The following DNAH6 variants were observed in gnomAD, a reference collection of about 807,000 sequenced individuals.
DNAH6 encodes the protein axonemal beta dynein heavy chain 6.
Under a neutral mutation model 491.4 loss-of-function variants are expected in DNAH6, and 340 were observed. The ratio of observed to expected loss-of-function variants is 0.69; its 90% CI spans 0.63 to 0.76. The LOEUF (loss-of-function observed/expected upper bound fraction) is 0.76, where lower values mean the gene tolerates loss of function less well. DNAH6 is among the 30% of genes least tolerant of loss of function. DNAH6 has a pLI of 0.00. For synonymous variants in DNAH6, 1,603 were observed against 1,686.1 expected (o/e 0.95, Z 1.21); for missense variants, 4,443 against 4,972.2 (o/e 0.89, Z 3.20).
chr2:84,570,131 TACAA>T (rs1681627249), intron 11 of DNAH6, among the ~76,000 whole-genome samples: 2 of 152,048 alleles, frequency 1.3e-5, no homozygotes, highest in South Asian at 4.1e-4. Flanking sequence ...GGTAGGATAG[TACAA>T]TATGAGCCTA....
intron 64 of DNAH6, among the ~76,000 whole-genome samples, chr2:84,769,231 TAAAGAC>T (rs1675383641): frequency 6.6e-6 from 1 of 152,140 alleles, no homozygotes; most frequent in Non-Finnish European, 1.5e-5. Context: ...GCAACCAAGA[TAAAGAC>T]AGAGCAGCCA....
chr2:84,514,867 TCACACACA>T (rs58335460), upstream of DNAH6, among the ~76,000 whole-genome samples: 28 of 139,108 alleles, frequency 2.0e-4, no homozygotes, highest in African/African-American at 6.9e-4. Flanking sequence ...TTCACCACAG[TCACACACA>T]CACACACACA....
chr2:84,738,990 T>A (rs1289036790), intron 62 of DNAH6, among the ~76,000 whole-genome samples: 1 of 152,208 alleles, frequency 6.6e-6, no homozygotes, highest in African/African-American at 2.4e-5. Flanking sequence ...TGTTTCCACA[T>A]TGAGAACTCC....
chr2:84,804,859 T>C (rs1446727263), intron 70 of DNAH6, among the ~76,000 whole-genome samples: 3 of 152,322 alleles, frequency 2.0e-5, no homozygotes, highest in Non-Finnish European at 4.4e-5. Context: ...TCTGTTGCCC[T>C]GGCTAGAGTG....
the DNAH6 span, among the ~76,000 whole-genome samples, chr2:84,469,652 C>T: frequency 2.6e-5 from 4 of 152,116 alleles, no homozygotes; most frequent in Non-Finnish European, 2.9e-5. This position sits in a 1 kb window ranked among gnomAD's most constrained non-coding sequence, Gnocchi z 4.0. Flanking sequence ...TACAGTTGGC[C>T]GCTTGTCGGT....
chr2:84,589,509 C>T (rs1241904708), intron 16 of DNAH6, among the ~76,000 whole-genome samples: 5 of 151,960 alleles, frequency 3.3e-5, no homozygotes, highest in Middle Eastern at 3.4e-3. Flanking sequence ...CTCAGGAGTT[C>T]GAGACCAGCC....
At position 84,577,243 on chromosome 2, in the gene DNAH6, AT is replaced by A. The variant is rs766814545; in HGVS notation, c.1925-7del. 1.2e-5 allele frequency: 18 copies of A among 1,529,542 alleles called. No homozygotes were observed. Among genetic ancestry groups the A allele is most frequent in the Admixed American group, 6.3e-5 (3 of 47,822 alleles). 94.7% of individuals were successfully genotyped at this position (1,529,542 alleles called of 1,614,324 possible). A position where few individuals can be genotyped will look rare whatever the true frequency, so the allele number is the denominator to read the frequency against. On this transcript the variant is annotated splice_polypyrimidine_tract_variant and intron_variant, in intron 12 of 76. Coordinates refer to ENST00000389394, the MANE Select transcript of DNAH6 (RefSeq NM_001370.2). ...ATGGTATATTTTATGCTTTATGTGA[AT>A]TTTTTTATGTAGATATTAACTTTTT...
intron 39 of DNAH6, among the ~76,000 whole-genome samples, 184 bp downstream of exon 39, chr2:84,670,659 A>G (rs1573431562): frequency 6.6e-6 from 1 of 152,190 alleles, no homozygotes; most frequent in Admixed American, 6.5e-5. Flanking sequence ...CAAGCAAGTC[A>G]TTTATTTCTG....
intron 16 of DNAH6, among the ~76,000 whole-genome samples, chr2:84,591,235 TAAA>T (rs1684081181): frequency 6.6e-6 from 1 of 152,122 alleles, no homozygotes. Context: ...TTAAAAATAA[TAAA>T]TAAACTCAGT....
At chr2:84,772,271 G>A (rs766431178) in intron 64 of DNAH6, among the ~76,000 whole-genome samples, 13 of 152,110 alleles carry the variant, frequency 8.5e-5, no homozygotes, top group Non-Finnish European at 1.8e-4. Context: ...ACAAAAAGAA[G>A]GCAGTGATTG....
chr2:84,479,364 C>A, the DNAH6 span, among the ~76,000 whole-genome samples: 1 of 152,202 alleles, frequency 6.6e-6, no homozygotes, highest in Non-Finnish European at 1.5e-5. Flanking sequence ...TCATACTGTC[C>A]AGCACTGGAT....
chr2:84,560,529 T>C (rs1680548221), intron 11 of DNAH6, among the ~76,000 whole-genome samples: 1 of 151,762 alleles, frequency 6.6e-6, no homozygotes, highest in Non-Finnish European at 1.5e-5. Context: ...TACATATGTA[T>C]ACATGTGCCA....
intron 70 of DNAH6, among the ~76,000 whole-genome samples, chr2:84,800,815 T>G (rs1008274332): frequency 2.6e-5 from 4 of 152,016 alleles, no homozygotes; most frequent in Non-Finnish European, 5.9e-5. Context: ...AAGAAAGTAT[T>G]ATTCACAATA....
intron 72 of DNAH6, among the ~76,000 whole-genome samples, chr2:84,811,748 C>T (rs777224363): frequency 6.6e-6 from 1 of 151,882 alleles, no homozygotes; most frequent in Non-Finnish European, 1.5e-5. Context: ...GTAATCCCAA[C>T]TACTTGGCAG....
chr2:84,808,355 G>A, intron 71 of DNAH6, 60 bp from the exon 72 acceptor site: 1 of 1,451,128 alleles, frequency 6.9e-7, no homozygotes, highest in South Asian at 1.5e-5. Flanking sequence ...CATTGCCTTA[G>A]CAATATTGTG....
At chr2:84,668,761 T>G (rs1042764942) in intron 37 of DNAH6, among the ~76,000 whole-genome samples, 2 of 151,860 alleles carry the variant, frequency 1.3e-5, no homozygotes, top group African/African-American at 4.8e-5. Flanking sequence ...CCTTCCTGAA[T>G]CTCTAGCCAT....
chr2:84,595,241 C>A (rs1352423288), intron 17 of DNAH6, among the ~76,000 whole-genome samples: 1 of 152,030 alleles, frequency 6.6e-6, no homozygotes, highest in Non-Finnish European at 1.5e-5. Context: ...AATTATAGAT[C>A]TGTAAGTATA....
the DNAH6 span, among the ~76,000 whole-genome samples, chr2:84,487,147 A>C: frequency 1.3e-5 from 2 of 152,220 alleles, no homozygotes; most frequent in Admixed American, 1.3e-4. Context: ...CAGGAGACCC[A>C]AAATTTTTGT....
intron 14 of DNAH6, among the ~76,000 whole-genome samples, chr2:84,581,340 C>A (rs1683000893): frequency 6.6e-6 from 1 of 152,156 alleles, no homozygotes; most frequent in Admixed American, 6.5e-5. Context: ...TCTGCACACA[C>A]AAAAACTTTT....
Sources: allele counts gnomAD v4.1 joint callset (sites outside exome capture counted in the v4.1 genomes callset), GRCh38; gene constraint gnomAD v4.1.1; non-coding constraint Gnocchi (gnomAD v3.1); transcripts MANE v1.5; gene names NCBI Gene and HGNC (gene_info 2026-07-23, HGNC 2026-07-21).